SND1: variants seen among roughly 807,000 people sequenced by gnomAD.
The protein encoded by SND1 is staphylococcal nuclease domain-containing protein 1.
A neutral mutation model predicts 121.7 loss-of-function variants in SND1; 38 were observed. That is an observed-to-expected ratio of 0.31 (90% confidence interval 0.24 to 0.41). The LOEUF is 0.41. Ranked by LOEUF, SND1 falls within the 10% of genes least tolerant of loss-of-function variation. The pLI is 1.00. For missense variants in SND1, 868 were observed against 1,184.6 expected (o/e 0.73, Z 3.92); for synonymous variants, 401 against 447.4 (o/e 0.90, Z 1.31).
At chr7:127,755,328 C>G (rs1484827089) in intron 10 of SND1, among the ~76,000 whole-genome samples, 1 of 152,212 alleles carries the variant, frequency 6.6e-6, no homozygotes, top group Non-Finnish European at 1.5e-5. Context: ...CTGATTAAAG[C>G]TGAAACGAGG....
chr7:128,012,078 A>G (rs995361064), intron 16 of SND1, among the ~76,000 whole-genome samples: 1 of 152,224 alleles, frequency 6.6e-6, no homozygotes, highest in Non-Finnish European at 1.5e-5. Context: ...ATTGAGAACC[A>G]CTAGTTAGTT....
chr7:127,757,120 T>G (rs1449630151), intron 10 of SND1, among the ~76,000 whole-genome samples: 1 of 152,212 alleles, frequency 6.6e-6, no homozygotes, highest in African/African-American at 2.4e-5. Flanking sequence ...TTTTTATGCC[T>G]TGAAATAACC....
intron 17 of SND1, among the ~76,000 whole-genome samples, 182 bp from the exon 18 acceptor site, chr7:128,081,178 A>T (rs1429988095): frequency 6.6e-6 from 1 of 151,952 alleles, no homozygotes; most frequent in African/African-American, 2.4e-5. Context: ...TTGTATTTTT[A>T]GTAGAGATAG....
At chr7:127,832,517 C>G (rs1410257104) in intron 11 of SND1, among the ~76,000 whole-genome samples, 2 of 152,200 alleles carry the variant, frequency 1.3e-5, no homozygotes, top group African/African-American at 4.8e-5. Context: ...TTCTGTAGAT[C>G]TGCACGTGAT....
At chr7:127,917,362 A>C (rs948814277) in intron 14 of SND1, among the ~76,000 whole-genome samples, 1 of 152,152 alleles carries the variant, frequency 6.6e-6, no homozygotes, top group Non-Finnish European at 1.5e-5. Context: ...GTTTTCACGT[A>C]TTTGTATGCA....
intron 15 of SND1, among the ~76,000 whole-genome samples, chr7:127,930,372 T>C (rs1800936758): frequency 6.6e-6 from 1 of 152,098 alleles, no homozygotes; most frequent in South Asian, 2.1e-4. Flanking sequence ...AAGGCACAGG[T>C]AGTTTCTTGT....
intron 11 of SND1, among the ~76,000 whole-genome samples, 196 bp downstream of exon 11, chr7:127,807,769 C>A (rs1387767071): frequency 6.6e-6 from 1 of 152,098 alleles, no homozygotes; most frequent in African/African-American, 2.4e-5. Context: ...AAAATTGGGG[C>A]CCTGACCACA....
In SND1 at chr7:127,781,191, T is replaced by C. The variant is rs754473301; in HGVS notation, c.1153-26293T>C. On this transcript the variant is annotated intron_variant, in intron 10 of 23. Coordinates refer to ENST00000354725, the MANE Select transcript of SND1 (RefSeq NM_014390.4). ...TTTTACAGTACATGGGAAGCTGAAC[T>C]TAAAAGACTTTGAAGTTCTCATCCA... is the stretch of plus-strand genomic sequence containing the variant. Among the ~76,000 whole-genome samples the C allele has an allele frequency of 3.3e-5, 5 of 152,168 alleles. No individual in the cohort carries two copies. The South Asian group carries it at 8.3e-4, about 25-fold the overall frequency.
chr7:127,723,807 T>TA (rs1417144581), intron 10 of SND1, among the ~76,000 whole-genome samples: 11 of 152,348 alleles, frequency 7.2e-5, no homozygotes, highest in African/African-American at 1.7e-4. Flanking sequence ...ATAACTACGT[T>TA]AAAAAACTAA....
chr7:127,979,407 C>T (rs1295777783), intron 15 of SND1, among the ~76,000 whole-genome samples: 1 of 152,160 alleles, frequency 6.6e-6, no homozygotes, highest in African/African-American at 2.4e-5. Flanking sequence ...GTTTCCCTAT[C>T]GGCTAGGGTT....
intron 3 of SND1, among the ~76,000 whole-genome samples, chr7:127,696,456 C>T (rs956505845): frequency 5.9e-5 from 9 of 152,226 alleles, no homozygotes; most frequent in Middle Eastern, 6.8e-3. Flanking sequence ...AGAAACAAAA[C>T]GCTTAAAGAT....
intron 16 of SND1, among the ~76,000 whole-genome samples, chr7:128,058,491 C>T (rs1345019098): frequency 6.6e-6 from 1 of 152,222 alleles, no homozygotes; most frequent in Non-Finnish European, 1.5e-5. Flanking sequence ...CACTGGGTAC[C>T]TCTGTGCAGT....
At chr7:127,783,212 G>T (rs1489008872) in intron 10 of SND1, among the ~76,000 whole-genome samples, 2 of 152,206 alleles carry the variant, frequency 1.3e-5, no homozygotes, top group African/African-American at 4.8e-5. Context: ...TGAACCAGAT[G>T]TGCCTGCTAT....
intron 14 of SND1, among the ~76,000 whole-genome samples, chr7:127,913,627 G>A (rs1800506692): frequency 6.6e-6 from 1 of 152,176 alleles, no homozygotes; most frequent in African/African-American, 2.4e-5. Flanking sequence ...GCCCATTACA[G>A]GGATGATTGT....
chr7:127,717,258 G>A (rs1796408402), intron 9 of SND1, among the ~76,000 whole-genome samples: 1 of 152,064 alleles, frequency 6.6e-6, no homozygotes, highest in Admixed American at 6.6e-5. Flanking sequence ...TTTTATTCAG[G>A]TATTCATTTA....
At chr7:127,960,072 A>G (rs1042373172) in intron 15 of SND1, among the ~76,000 whole-genome samples, 2 of 152,178 alleles carry the variant, frequency 1.3e-5, no homozygotes, top group Admixed American at 6.5e-5. Flanking sequence ...GCTGCTGGCC[A>G]TTCGTCTCTG....
rs73465810 is a variant in SND1 at position 127,824,511 on chromosome 7, A to G, written c.1242+16938A>G. Among the ~76,000 whole-genome samples the G allele has an allele frequency of 4.0e-3, 603 of 152,338 alleles. 3 individuals carry two copies. Among genetic ancestry groups the G allele is most frequent in the African/African-American group, 0.013 (541 of 41,580 alleles). On this transcript the variant is annotated intron_variant, in intron 11 of 23. Transcript: ENST00000354725. ...GTTGTTTATTCTAAGGACTGAAGCA[A>G]TTAGGTTTGGGATCCATTTCAGCTC...
At position 127,884,822 on chromosome 7, in the gene SND1, A is replaced by G. The variant is rs533731689; in HGVS notation, c.1344-3080A>G. ...GTTCACACAAATACCTAAAATTCCA[A>G]TCCACTGCTACAGGGTTCATTCTAG... On this transcript the variant is annotated intron_variant, in intron 12 of 23. Coordinates refer to ENST00000354725, the MANE Select transcript of SND1 (RefSeq NM_014390.4). 6.6e-5 allele frequency among the ~76,000 whole-genome samples: 10 copies of G among 152,152 alleles called. No homozygotes were observed. The East Asian group carries it at 1.2e-3, about 18-fold the overall frequency.
intron 13 of SND1, among the ~76,000 whole-genome samples, chr7:127,903,807 T>A (rs947892989): frequency 4.6e-5 from 7 of 152,186 alleles, no homozygotes; most frequent in Non-Finnish European, 8.8e-5. Context: ...CCCTGACATT[T>A]GGCCCTGGGC....
Sources: gnomAD v4.1 joint callset for allele counts (sites outside exome capture counted in the v4.1 genomes callset) on GRCh38, gnomAD v4.1.1 for gene constraint, MANE v1.5 for transcripts, NCBI Gene and HGNC (gene_info 2026-07-23, HGNC 2026-07-21) for gene names.